Variants in CTNNA2 observed in about 807,000 individuals in gnomAD.
CTNNA2 encodes catenin alpha-2.
In CTNNA2, 42 loss-of-function variants were observed where a neutral mutation model predicts 101.0. The observed-to-expected ratio is 0.42, with a 90% CI of 0.32 to 0.54. CTNNA2 has a LOEUF of 0.54. Ranked by LOEUF, CTNNA2 falls within the 20% of genes least tolerant of loss-of-function variation. The pLI is 0.14. For missense variants in CTNNA2, 871 were observed against 1,223.1 expected, an observed-to-expected ratio of 0.71 and a Z score of 4.29; for synonymous variants, 450 against 456.4, an observed-to-expected ratio of 0.99 and a Z score of 0.18.
intron 3 of CTNNA2, among the ~76,000 whole-genome samples, chr2:79,352,141 G>A (rs77498776): frequency 0.023 from 3,475 of 151,730 alleles, 111 homozygotes; most frequent in African/African-American, 0.08. Context: ...ATGATATCTC[G>A]TTGTTTTTAT....
intron 9 of CTNNA2, among the ~76,000 whole-genome samples, chr2:80,525,195 TAG>T (rs1223007202): frequency 1.3e-5 from 2 of 151,718 alleles, no homozygotes; most frequent in African/African-American, 4.9e-5. Context: ...ATTGCACAGC[TAG>T]AGTTTTTTTT....
intron 7 of CTNNA2, among the ~76,000 whole-genome samples, chr2:80,361,215 G>T (rs1235828780): frequency 6.6e-6 from 1 of 152,004 alleles, no homozygotes; most frequent in Non-Finnish European, 1.5e-5. Flanking sequence ...CAAATATTCA[G>T]GCCTTCTCAG....
At chr2:80,579,524 T>C (rs952285300) in intron 13 of CTNNA2, 1 of 152,216 alleles carries the variant, frequency 6.6e-6, no homozygotes, top group Non-Finnish European at 1.5e-5. Context: ...ATTGTCTCTG[T>C]CCACAATAAA....
At chr2:79,535,937 G>T (rs1255918646) in intron 1 of CTNNA2, among the ~76,000 whole-genome samples, 2 of 152,182 alleles carry the variant, frequency 1.3e-5, no homozygotes, top group African/African-American at 4.8e-5. Flanking sequence ...AATGTTTGTG[G>T]AATGTTTGAA....
rs149406678 is a variant in CTNNA2, at chr2:79,837,096, T to C, written c.299-20917T>C. The stretch of plus-strand genomic sequence containing the variant: ...TTTGAATCTGTGTGAGTCAGGGTTA[T>C]CTAGAGGGACAGAACTAATGGAATA... On this transcript the variant is annotated intron_variant, in intron 3 of 18. Coordinates refer to ENST00000402739, the MANE Select transcript of CTNNA2 (RefSeq NM_001282597.3). 4.4e-3 allele frequency among the ~76,000 whole-genome samples: 672 copies of C among 152,328 alleles called. 14 individuals are homozygous for C. The highest frequency in any genetic ancestry group is 0.039 in the East Asian group (202 of 5,174).
chr2:79,578,605 A>T (rs1410583687), intron 1 of CTNNA2, among the ~76,000 whole-genome samples: 1 of 152,102 alleles, frequency 6.6e-6, no homozygotes, highest in Non-Finnish European at 1.5e-5. Context: ...TTGGGTAACC[A>T]GTTGTCTCAG....
chr2:79,503,353 T>C (rs967139385), intron 4 of CTNNA2, among the ~76,000 whole-genome samples: 1 of 152,230 alleles, frequency 6.6e-6, no homozygotes, highest in Non-Finnish European at 1.5e-5. Context: ...TGTAGATTAT[T>C]GTCCCTTAGC....
intron 2 of CTNNA2, among the ~76,000 whole-genome samples, chr2:79,740,200 G>T (rs1671191502): frequency 6.6e-6 from 1 of 152,006 alleles, no homozygotes; most frequent in Non-Finnish European, 1.5e-5. Context: ...AGTGTGTGTT[G>T]TTCCCATCTT....
At chr2:79,607,832 T>C (rs1274777316) in intron 1 of CTNNA2, among the ~76,000 whole-genome samples, 2 of 152,036 alleles carry the variant, frequency 1.3e-5, no homozygotes, top group African/African-American at 2.4e-5. Context: ...TCAAATTAAT[T>C]GATTCAGTTT....
At chr2:80,367,172 T>C (rs58187746) in intron 7 of CTNNA2, among the ~76,000 whole-genome samples, 19,721 of 152,046 alleles carry the variant, frequency 0.13, 2,660 homozygotes, top group African/African-American at 0.34. Flanking sequence ...ACCCCAAGAT[T>C]TATTTTACTT....
chr2:80,073,217 T>G (rs77686791), intron 7 of CTNNA2, among the ~76,000 whole-genome samples: 1 of 152,200 alleles, frequency 6.6e-6, no homozygotes, highest in Non-Finnish European at 1.5e-5. Flanking sequence ...TGGGGACTAA[T>G]CAAAGAAAAA....
intron 7 of CTNNA2, among the ~76,000 whole-genome samples, chr2:80,197,949 C>G (rs766387394): frequency 3.9e-5 from 6 of 152,148 alleles, no homozygotes; most frequent in Non-Finnish European, 8.8e-5. Context: ...TGTGAATAGA[C>G]TCATGGACAT....
chr2:80,461,393 C>G (rs1356347880), intron 9 of CTNNA2, among the ~76,000 whole-genome samples: 1 of 152,120 alleles, frequency 6.6e-6, no homozygotes, highest in East Asian at 1.9e-4. Context: ...CCTCCCTACT[C>G]CTTAGCTATA....
At chr2:80,463,900 T>C (rs1442663280) in intron 9 of CTNNA2, among the ~76,000 whole-genome samples, 1 of 152,198 alleles carries the variant, frequency 6.6e-6, no homozygotes, top group Non-Finnish European at 1.5e-5. Context: ...CTAATGGTCG[T>C]GGAGTCATAC....
intron 9 of CTNNA2, among the ~76,000 whole-genome samples, chr2:80,488,638 T>C (rs953915322): frequency 7.9e-5 from 12 of 152,210 alleles, no homozygotes; most frequent in Middle Eastern, 3.2e-3. Flanking sequence ...CTTGTTGTTA[T>C]TCAGTTTCCA....
At chr2:79,694,835 G>T (rs2104721382) in intron 2 of CTNNA2, among the ~76,000 whole-genome samples, 1 of 151,944 alleles carries the variant, frequency 6.6e-6, no homozygotes, top group South Asian at 2.1e-4. Context: ...GAACTTCTGA[G>T]TTAACAATGT....
chr2:79,685,807 G>T (rs908238595), intron 2 of CTNNA2, among the ~76,000 whole-genome samples: 1 of 152,146 alleles, frequency 6.6e-6, no homozygotes, highest in Admixed American at 6.5e-5. Flanking sequence ...ACTAATCAGG[G>T]GAAGGGTATA....
intron 9 of CTNNA2, among the ~76,000 whole-genome samples, chr2:80,428,344 A>G (rs1179468438): frequency 6.6e-6 from 1 of 152,230 alleles, no homozygotes; most frequent in African/African-American, 2.4e-5. Context: ...GATGGAAAAT[A>G]TAGAGTAATA....
chr2:79,370,110 A>G (rs1465254439), intron 3 of CTNNA2, among the ~76,000 whole-genome samples: 1 of 152,182 alleles, frequency 6.6e-6, no homozygotes, highest in African/African-American at 2.4e-5. Context: ...GCATACAAAG[A>G]TAATCTGACA....
Sources: allele counts gnomAD v4.1 joint callset (sites outside exome capture counted in the v4.1 genomes callset), GRCh38; gene constraint gnomAD v4.1.1; transcripts MANE v1.5; gene names NCBI Gene and HGNC (gene_info 2026-07-23, HGNC 2026-07-21).